The following SLC17A1 variants were observed in gnomAD, a reference collection of about 807,000 sequenced individuals.
SLC17A1 encodes solute carrier family 17 member 1.
A neutral mutation model predicts 53.5 loss-of-function variants in SLC17A1; 51 were observed. The observed-to-expected ratio is 0.95, with a 90% CI of 0.76 to 1.20. The LOEUF (loss-of-function observed/expected upper bound fraction) is 1.20, where lower values mean the gene tolerates loss of function less well. Among genes scored for constraint, SLC17A1 ranks in the 50% most tolerant of loss-of-function variants. The pLI, the probability that SLC17A1 is intolerant of heterozygous loss-of-function variation, is 0.00. For synonymous variants in SLC17A1, 179 were observed against 198.8 expected (o/e 0.90, Z 0.84); for missense variants, 538 against 568.2 (o/e 0.95, Z 0.54).
chr6:25,797,481 A>G (rs183043869), intron 12 of SLC17A1, among the ~76,000 whole-genome samples: 1 of 151,998 alleles, frequency 6.6e-6, no homozygotes, highest in African/African-American at 2.4e-5. Context: ...ATAATAATCT[A>G]TTTTTCTGTA....
At chr6:25,763,340 G>A in the SLC17A1 span, among the ~76,000 whole-genome samples, 4 of 152,144 alleles carry the variant, frequency 2.6e-5, no homozygotes, top group Non-Finnish European at 5.9e-5. Context: ...TACCTAATAA[G>A]GCAGAACCCC....
chr6:25,773,163 G>A, the SLC17A1 span: 20 of 810,222 alleles, frequency 2.5e-5, 1 homozygote, highest in South Asian at 3.1e-4. Flanking sequence ...TAGATGCCAG[G>A]AAGAGTGGTG....
At chr6:25,826,689 T>C (rs1432175427) in intron 2 of SLC17A1, 56 bp from the exon 3 acceptor site, 10 of 1,351,724 alleles carry the variant, frequency 7.4e-6, no homozygotes, top group South Asian at 1.7e-5. Flanking sequence ...AAAAACATAC[T>C]TTAACTATAG....
chr6:25,816,805 T>C (rs1168769050), intron 6 of SLC17A1, among the ~76,000 whole-genome samples: 2 of 151,964 alleles, frequency 1.3e-5, no homozygotes, highest in East Asian at 3.8e-4. Flanking sequence ...TTAAGAAGTT[T>C]GAAATAGTCT....
chr6:25,771,578 G>A, the SLC17A1 span, among the ~76,000 whole-genome samples: 7 of 148,772 alleles, frequency 4.7e-5, no homozygotes, highest in South Asian at 4.3e-4. Context: ...TGTCTCAAGA[G>A]AAAAAAAAAA....
rs548264181 is a variant in SLC17A1, at chr6:25,808,626, C to T, written c.1178+2772G>A. 4.6e-4 allele frequency among the ~76,000 whole-genome samples: 70 copies of T among 151,846 alleles called. 1 individual carries two copies. The highest frequency in any genetic ancestry group is 1.1e-3 in the Admixed American group (17 of 15,244). The stretch of plus-strand genomic sequence containing the variant: ...ATAGACATTTTCAAAAGAAGACATA[C>T]AAATGGACAATAAGCATATGAAAAA... On this transcript the variant is annotated intron_variant, in intron 10 of 12. Transcript: ENST00000244527.
At chr6:25,778,887 GA>G, downstream of SLC17A1, among the ~76,000 whole-genome samples, 1 of 152,302 alleles carries the variant, frequency 6.6e-6, no homozygotes, top group Admixed American at 6.5e-5. Context: ...CAGTGCTTTG[GA>G]CTCATGGCAG....
At chr6:25,725,883 C>T in the SLC17A1 span, among the ~76,000 whole-genome samples, 1 of 152,148 alleles carries the variant, frequency 6.6e-6, no homozygotes, top group Non-Finnish European at 1.5e-5. Context: ...CGTTAAGCCA[C>T]CTCGCCCAGT....
chr6:25,775,506 G>T, the SLC17A1 span, among the ~76,000 whole-genome samples: 1 of 151,916 alleles, frequency 6.6e-6, no homozygotes. Flanking sequence ...TTCACTCATG[G>T]CTCACTAAAG....
the SLC17A1 span, chr6:25,777,912 T>G: frequency 6.4e-7 from 1 of 1,555,280 alleles, no homozygotes; most frequent in African/African-American, 1.4e-5. Flanking sequence ...TAGAGTACCA[T>G]CTCTCTCTCT....
chr6:25,761,230 G>A, the SLC17A1 span, among the ~76,000 whole-genome samples: 1 of 152,234 alleles, frequency 6.6e-6, no homozygotes, highest in Non-Finnish European at 1.5e-5. Flanking sequence ...AGGACAAAGA[G>A]GGTTGTCACT....
chr6:25,744,442 T>C, the SLC17A1 span, among the ~76,000 whole-genome samples: 1 of 152,288 alleles, frequency 6.6e-6, no homozygotes, highest in African/African-American at 2.4e-5. Context: ...TGGAGCTGGC[T>C]CAAATGAATG....
At chr6:25,801,174 G>C (rs555716758) in intron 10 of SLC17A1, among the ~76,000 whole-genome samples, 194 bp from the exon 11 acceptor site, 1 of 152,258 alleles carries the variant, frequency 6.6e-6, no homozygotes, top group African/African-American at 2.4e-5. Context: ...AGAAAGGTTG[G>C]CGTTAGCAGT....
chr6:25,726,497 CT>C, the SLC17A1 span: 8 of 1,611,590 alleles, frequency 5.0e-6, no homozygotes, highest in Non-Finnish European at 6.8e-6. Context: ...TTGGCGCGTG[CT>C]TTTCCTCCCT....
At chr6:25,778,669 A>G (rs918025785), downstream of SLC17A1, among the ~76,000 whole-genome samples, 3 of 152,212 alleles carry the variant, frequency 2.0e-5, no homozygotes, top group Admixed American at 6.5e-5. Flanking sequence ...TATATGACAT[A>G]TTGAATGGTA....
intron 2 of SLC17A1, among the ~76,000 whole-genome samples, chr6:25,829,632 G>A (rs1581506190): frequency 6.6e-6 from 1 of 152,136 alleles, no homozygotes; most frequent in Non-Finnish European, 1.5e-5. Context: ...GGAAGTCCAT[G>A]AATTATGTCT....
intron 6 of SLC17A1, among the ~76,000 whole-genome samples, chr6:25,818,457 A>AAAT (rs1764436229): frequency 6.6e-6 from 1 of 152,172 alleles, no homozygotes; most frequent in Admixed American, 6.5e-5. Flanking sequence ...CTTTGTAAAT[A>AAAT]AATTCTTCCA....
the SLC17A1 span, chr6:25,726,218 C>A: frequency 4.3e-6 from 7 of 1,612,004 alleles, no homozygotes; most frequent in African/African-American, 8.0e-5. Context: ...CCGCCCTGGG[C>A]AATGGTCACG....
intron 6 of SLC17A1, among the ~76,000 whole-genome samples, chr6:25,817,440 C>T (rs1300017091): frequency 6.6e-6 from 1 of 152,164 alleles, no homozygotes; most frequent in Non-Finnish European, 1.5e-5. Context: ...AAACAGCTGT[C>T]ATCTAATCCC....
Sources: gnomAD v4.1 joint callset for allele counts (sites outside exome capture counted in the v4.1 genomes callset) on GRCh38, gnomAD v4.1.1 for gene constraint, MANE v1.5 for transcripts, NCBI Gene and HGNC (gene_info 2026-07-23, HGNC 2026-07-21) for gene names.